TLCD3A: variants seen among roughly 807,000 people sequenced by gnomAD.
TLCD3A encodes the protein TLC domain containing 3A.
TLCD3A carries 17 observed loss-of-function variants against 29.9 expected under a neutral mutation model. That is an observed-to-expected ratio of 0.57 (90% confidence interval 0.39 to 0.85). The LOEUF (loss-of-function observed/expected upper bound fraction) is 0.85. TLCD3A is among the 40% of genes least tolerant of loss of function. The probability of loss-of-function intolerance (pLI) is 0.00; values close to 1 mark genes in which losing one functional copy is unlikely to be tolerated. For missense variants in TLCD3A, 332 were observed against 350.8 expected (o/e 0.95, Z 0.43); for synonymous variants, 143 against 147.7 (o/e 0.97, Z 0.23).
chr17:733,851 C>A (rs1974115012), intron 2 of TLCD3A, among the ~76,000 whole-genome samples: 2 of 152,160 alleles, frequency 1.3e-5, no homozygotes, highest in African/African-American at 4.8e-5. Context: ...GAATCACACT[C>A]ACTTTCTCCC....
chr17:733,619 T>G (rs1332605267), intron 2 of TLCD3A, among the ~76,000 whole-genome samples: 1 of 152,142 alleles, frequency 6.6e-6, no homozygotes, highest in African/African-American at 2.4e-5. Flanking sequence ...TCCTGCAGAT[T>G]TGCTAAAGGT....
intron 3 of TLCD3A, among the ~76,000 whole-genome samples, chr17:739,297 T>C (rs1418015734): frequency 1.3e-5 from 2 of 152,180 alleles, no homozygotes; most frequent in Non-Finnish European, 2.9e-5. Flanking sequence ...CAAGTGATTC[T>C]CCTGCCTCAG....
At chr17:736,964 T>C (rs552369043) in intron 2 of TLCD3A, among the ~76,000 whole-genome samples, 2 of 151,914 alleles carry the variant, frequency 1.3e-5, no homozygotes, top group African/African-American at 4.8e-5. Flanking sequence ...TCCAGACCTG[T>C]TTTTCTTAAT....
intron 2 of TLCD3A, among the ~76,000 whole-genome samples, chr17:736,652 T>G (rs1974158496): frequency 6.6e-6 from 1 of 152,204 alleles, no homozygotes; most frequent in African/African-American, 2.4e-5. Context: ...TGCTTTTTTT[T>G]GTTGTGTTTT....
intron 3 of TLCD3A, 90 bp from the exon 4 acceptor site, chr17:740,415 G>C: frequency 1.0e-6 from 1 of 958,626 alleles, no homozygotes; most frequent in Non-Finnish European, 1.7e-6. Flanking sequence ...GCCCGTCACA[G>C]TTACCCTTTT....
intron 3 of TLCD3A, among the ~76,000 whole-genome samples, chr17:739,368 T>C (rs1974213871): frequency 6.6e-6 from 1 of 152,142 alleles, no homozygotes; most frequent in South Asian, 2.1e-4. Flanking sequence ...TTTATATTTT[T>C]ATTAGAGACG....
chr17:733,319 G>A, intron 2 of TLCD3A, 138 bp downstream of exon 2: 1 of 775,226 alleles, frequency 1.3e-6, no homozygotes, highest in Non-Finnish European at 2.0e-6. Context: ...TTCCTCTCCG[G>A]AGTCTTCGGG....
At position 732,837 on chromosome 17, in the gene TLCD3A, G is replaced by A. The variant is rs527750110; in HGVS notation, c.122+68G>A. 593 of 1,369,242 alleles carry A rather than the reference G, an allele frequency of 4.3e-4. 10 individuals are homozygous for A. The South Asian group carries it at 9.3e-3, about 21-fold the overall frequency. 84.8% of individuals were successfully genotyped at this position (1,369,242 alleles called of 1,614,324 possible). A position where few individuals can be genotyped will look rare whatever the true frequency, so the allele number is the denominator to read the frequency against. On this transcript the variant is annotated intron_variant, in intron 1 of 4. Coordinates refer to ENST00000308278, the MANE Select transcript of TLCD3A (RefSeq NM_024792.3). ...CCCACCGCACCCCACCCGGCCGCGG[G>A]GCCCAGGGCGGAAAAGGGGGGCGGC...
At chr17:733,075 G>T in intron 1 of TLCD3A, 23 bp from the exon 2 acceptor site, 2 of 1,518,254 alleles carry the variant, frequency 1.3e-6, no homozygotes, top group South Asian at 2.4e-5. Flanking sequence ...GAGCGCGCGC[G>T]CTGTTCTCTC....
At chr17:732,828 C>G in intron 1 of TLCD3A, 59 bp downstream of exon 1, 1 of 1,387,164 alleles carries the variant, frequency 7.2e-7, no homozygotes, top group East Asian at 3.1e-5. Context: ...GCACCCCACC[C>G]GGCCGCGGGG....
intron 3 of TLCD3A, among the ~76,000 whole-genome samples, chr17:738,856 T>C (rs1385387484): frequency 6.6e-6 from 1 of 152,138 alleles, no homozygotes; most frequent in Non-Finnish European, 1.5e-5. Flanking sequence ...CGCGAGCCAC[T>C]GCACCCGGCC....
intron 3 of TLCD3A, 49 bp downstream of exon 3, chr17:738,096 C>CATTTTTT: frequency 4.0e-6 from 2 of 501,832 alleles, no homozygotes; most frequent in Non-Finnish European, 6.2e-6. Flanking sequence ...AGCTGGGTGT[C>CATTTTTT]TTTTTTTTTT....
In TLCD3A at chr17:741,467, T is replaced by G; in HGVS notation, c.671T>G (p.Val224Gly). The G allele has an allele frequency of 6.2e-7, 1 of 1,614,232 alleles. No individual in the cohort carries two copies. ...TTCAGCATCCCATTCTACTGCAACG[T>G]GGCCAATGCCTTCCTCGTAGCTCCT... ...VPFSIPFYCN[V>G]ANAFLVAPQI... Residue 224 changes from valine to glycine, a missense_variant, in exon 5 of 5, where the codon GTG becomes GGG. Transcript: ENST00000308278.
intron 3 of TLCD3A, among the ~76,000 whole-genome samples, chr17:738,279 A>G (rs990172258): frequency 4.0e-5 from 6 of 151,854 alleles, no homozygotes; most frequent in African/African-American, 1.2e-4. Context: ...TATTTTTAGT[A>G]GAGATGGGGT....
chr17:740,489 G>A lies in TLCD3A; in HGVS notation c.409-16G>A, dbSNP rs78582373. 53,274 of 1,607,166 alleles carry A rather than the reference G, an allele frequency of 0.033. 1,282 individuals are homozygous for A. The highest frequency in any genetic ancestry group is 0.11 in the Middle Eastern group (676 of 6,044). ...TAACCTCCACTTACTTCCCCTTTTC[G>A]TTTCGTCATCCGCAGAGGCTCCGGG... is the stretch of plus-strand genomic sequence containing the variant. On this transcript the variant is annotated splice_polypyrimidine_tract_variant and intron_variant, in intron 3 of 4. Transcript: ENST00000308278.
chr17:736,619 A>G (rs1974157838), intron 2 of TLCD3A, among the ~76,000 whole-genome samples: 1 of 152,028 alleles, frequency 6.6e-6, no homozygotes, highest in Non-Finnish European at 1.5e-5. Context: ...GTGGCCCTTG[A>G]GCTCCAGGCT....
chr17:742,670 C>T lies in TLCD3A; in HGVS notation c.*1100C>T, dbSNP rs1974277510. ...TCCCGTGGACCGACACCTGCGCCCC[C>T]TTCTGCAAGCAGGATTTTCTGGTGC... On this transcript the variant is annotated 3_prime_UTR_variant, in exon 5 of 5. Transcript: ENST00000308278. The T allele has an allele frequency of 6.6e-6, 1 of 152,556 alleles. No individual in the cohort carries two copies. The highest frequency in any genetic ancestry group is 6.5e-5 in the Admixed American group (1 of 15,286). 9.5% of individuals were successfully genotyped at this position (152,556 alleles called of 1,614,324 possible).
In TLCD3A at chr17:740,525, G is replaced by A; in HGVS notation, c.429G>A (p.Gly143=). The A allele has an allele frequency of 6.2e-7, 1 of 1,614,042 alleles. No homozygotes were observed. Among genetic ancestry groups the A allele is most frequent in the Non-Finnish European group, 8.5e-7 (1 of 1,179,968 alleles). The change falls in exon 4 of 5, where the codon GGG becomes GGA. Residue 143 remains glycine, a synonymous_variant. Coordinates refer to ENST00000308278, the MANE Select transcript of TLCD3A (RefSeq NM_024792.3). ...CGCAGAGGCTCCGGGGAGACCTTGG[G>A]GACTTCTTTGTCGGCTGCATCTTCA... ...PVAQRLRGDL[G]DFFVGCIFTA...
intron 2 of TLCD3A, among the ~76,000 whole-genome samples, chr17:733,956 C>G (rs1334638503): frequency 1.3e-5 from 2 of 152,210 alleles, no homozygotes; most frequent in Non-Finnish European, 2.9e-5. Context: ...TTCTCACCTG[C>G]TGAGACTGAA....
Sources: allele counts gnomAD v4.1 joint callset (sites outside exome capture counted in the v4.1 genomes callset), GRCh38; gene constraint gnomAD v4.1.1; transcripts MANE v1.5; gene names NCBI Gene and HGNC (gene_info 2026-07-23, HGNC 2026-07-21).